The following KIT variants were observed in gnomAD, a reference collection of about 807,000 sequenced individuals.
KIT encodes mast/stem cell growth factor receptor Kit.
Under a neutral mutation model 105.7 loss-of-function variants are expected in KIT, and 16 were observed. The ratio of observed to expected loss-of-function variants is 0.15; its 90% CI spans 0.10 to 0.23. KIT has a LOEUF of 0.23. Among genes scored for constraint, KIT ranks in the 10% least tolerant of loss-of-function variants. The pLI is 1.00. For synonymous variants in KIT, 438 were observed against 441.1 expected (o/e 0.99, Z 0.09); for missense variants, 858 against 1,213.8 (o/e 0.71, Z 4.36).
intron 17 of KIT, among the ~76,000 whole-genome samples, chr4:54,734,338 T>C (rs987579122): frequency 6.6e-6 from 1 of 152,228 alleles, no homozygotes; most frequent in African/African-American, 2.4e-5. Context: ...TACCTCTGAA[T>C]CTTTGTTTTT....
chr4:54,681,003 T>TGG, intron 1 of KIT, among the ~76,000 whole-genome samples: 1 of 152,056 alleles, frequency 6.6e-6, no homozygotes, highest in Non-Finnish European at 1.5e-5. Context: ...TCCTAGGTCT[T>TGG]GGGGGGGTGA....
At chr4:54,672,936 A>G (rs1393082934) in intron 1 of KIT, among the ~76,000 whole-genome samples, 3 of 152,240 alleles carry the variant, frequency 2.0e-5, no homozygotes, top group Admixed American at 6.5e-5. Context: ...TTGCTGGCCC[A>G]TCTTATCTTT....
chr4:54,730,333 T>C (rs1233389296), intron 14 of KIT, among the ~76,000 whole-genome samples: 1 of 152,160 alleles, frequency 6.6e-6, no homozygotes, highest in East Asian at 1.9e-4. Context: ...CACTGCATCT[T>C]GCAATGGCAA....
intron 16 of KIT, among the ~76,000 whole-genome samples, chr4:54,732,673 C>A (rs1464957858): frequency 6.6e-6 from 1 of 152,058 alleles, no homozygotes; most frequent in Non-Finnish European, 1.5e-5. Context: ...GACCTTCTTC[C>A]GTGTGTCCTT....
In KIT at chr4:54,727,851, G is replaced by A. The variant is rs1060504661; in HGVS notation, c.1803G>A (p.Gly601=). ...AAACCCTGGGTGCTGGAGCTTTCGGGAAGGTTGTTGAGGCAACTGCTTATG... is the reference window on the plus strand; with the variant it reads ...AAACCCTGGGTGCTGGAGCTTTCGGAAAGGTTGTTGAGGCAACTGCTTATG... The part of the protein sequence containing the change: ...FGKTLGAGAF[G]KVVEATAYGL... The change falls in exon 12 of 21, where the codon GGG becomes GGA. Residue 601 remains glycine (G), a synonymous_variant. Coordinates refer to ENST00000288135, the MANE Select transcript of KIT (RefSeq NM_000222.3). The A allele has an allele frequency of 7.4e-6, 12 of 1,613,228 alleles. No homozygotes were observed. The highest frequency in any genetic ancestry group is 1.0e-5 in the Non-Finnish European group (12 of 1,180,000).
In KIT at chr4:54,738,477, G is replaced by A. The variant is rs745651409; in HGVS notation, c.2851G>A (p.Val951Ile). ...NCSPNRQKPV[V>I]DHSVRINSVG... ...CAGCCCCAACCGACAGAAGCCCGTG[G>A]TAGACCATTCTGTGCGGATCAATTC... Residue 951 changes from valine to isoleucine, a missense_variant, in exon 21 of 21, where the codon GTA becomes ATA. This residue lies in a region of KIT where 105 missense variants were observed against 103.5 expected (regional missense o/e 1.01). Transcript: ENST00000288135. 11 of 1,613,956 alleles carry A rather than the reference G, an allele frequency of 6.8e-6. 1 individual carries two copies. Among genetic ancestry groups the A allele is most frequent in the South Asian group, 1.1e-5 (1 of 91,082 alleles).
At chr4:54,666,279 T>TTTTTG (rs1261545397) in intron 1 of KIT, among the ~76,000 whole-genome samples, 5 of 152,208 alleles carry the variant, frequency 3.3e-5, no homozygotes, top group African/African-American at 1.2e-4. Context: ...TTTTTTGTTT[T>TTTTTG]TTTTGTTTTG....
chr4:54,663,413 A>T (rs1040066832), intron 1 of KIT, among the ~76,000 whole-genome samples: 4 of 152,212 alleles, frequency 2.6e-5, no homozygotes, highest in African/African-American at 9.6e-5. Flanking sequence ...AGTGCCCCGC[A>T]TAGAGGAAGT....
At chr4:54,674,556 T>C (rs1019316846) in intron 1 of KIT, among the ~76,000 whole-genome samples, 5 of 152,200 alleles carry the variant, frequency 3.3e-5, no homozygotes, top group African/African-American at 7.2e-5. Flanking sequence ...AGAATCTATA[T>C]TGACATTTTA....
rs1720848734 is a variant in KIT at position 54,707,269 on chromosome 4, A to T, written c.1097A>T (p.Glu366Val). 5 of 1,610,838 alleles carry T rather than the reference A, an allele frequency of 3.1e-6. No homozygotes were observed. Among genetic ancestry groups the T allele is most frequent in the Non-Finnish European group, 4.2e-6 (5 of 1,177,084 alleles). Reference sequence around the variant, plus strand: ...AAATGGGAAGATTATCCCAAGTCTGAGAATGAAAGTAATATCAGGTAAGAA... The same window carrying T: ...AAATGGGAAGATTATCCCAAGTCTGTGAATGAAAGTAATATCAGGTAAGAA... ...TDKWEDYPKS[E>V]NESNIRYVSE... Residue 366 changes from glutamate to valine, a missense_variant, in exon 6 of 21, where the codon GAG (glutamate) becomes GTG (valine). Physicochemically the swap from Glu to Val is moderately radical, Grantham distance 121. This residue lies in a region of KIT where 401 missense variants were observed against 601.0 expected (regional missense o/e 0.67). Transcript: ENST00000288135.
At chr4:54,712,942 G>A (rs1721251485) in intron 7 of KIT, among the ~76,000 whole-genome samples, 2 of 152,036 alleles carry the variant, frequency 1.3e-5, no homozygotes, top group Non-Finnish European at 2.9e-5. Flanking sequence ...TACCTAACAC[G>A]TTGGATTTAT....
chr4:54,683,290 T>A (rs1719079361), intron 1 of KIT, among the ~76,000 whole-genome samples: 1 of 152,218 alleles, frequency 6.6e-6, no homozygotes, highest in South Asian at 2.1e-4. Flanking sequence ...GCTATGTCTC[T>A]ACCAGTATAT....
intron 17 of KIT, among the ~76,000 whole-genome samples, chr4:54,735,366 C>CAA (rs60429188): frequency 2.3e-5 from 2 of 86,262 alleles, no homozygotes; most frequent in Admixed American, 1.3e-4. Context: ...ACTTTAACAC[C>CAA]AAAAAAAAAA....
At chr4:54,661,847 A>G (rs1233660438) in intron 1 of KIT, among the ~76,000 whole-genome samples, 1 of 152,168 alleles carries the variant, frequency 6.6e-6, no homozygotes, top group Non-Finnish European at 1.5e-5. Context: ...AGTCATAGAG[A>G]GGAATTGAGT....
In KIT at chr4:54,727,335, ATTTG is replaced by A. The variant is rs745983809; in HGVS notation, c.1647+14_1647+17del. ...TACAAATATTTACAGGTAACCATTT[ATTTG>A]TTCTCTCTCCAGAGTGCTCTAATGA... is the stretch of plus-strand genomic sequence containing the variant. On this transcript the variant is annotated intron_variant, in intron 10 of 20. Coordinates refer to ENST00000288135, the MANE Select transcript of KIT (RefSeq NM_000222.3). 2.8e-5 allele frequency: 45 copies of A among 1,613,534 alleles called. No homozygotes were observed. In the South Asian group the frequency reaches 3.3e-4, roughly 12 times the overall value.
At chr4:54,687,264 T>C (rs554760157) in intron 1 of KIT, among the ~76,000 whole-genome samples, 9 of 152,088 alleles carry the variant, frequency 5.9e-5, no homozygotes, top group African/African-American at 2.2e-4. Context: ...ATAGTGAAAC[T>C]GCATCGCTAC....
At chr4:54,660,494 T>C (rs540528571) in intron 1 of KIT, among the ~76,000 whole-genome samples, 1 of 152,218 alleles carries the variant, frequency 6.6e-6, no homozygotes, top group African/African-American at 2.4e-5. Context: ...CCCCCACTCA[T>C]TCCCATTTTT....
At chr4:54,695,469 A>C (rs537208796) in intron 1 of KIT, 43 bp from the exon 2 acceptor site, 1 of 1,611,214 alleles carries the variant, frequency 6.2e-7, no homozygotes, top group Admixed American at 1.7e-5. Context: ...TATTTCGCCA[A>C]GGAAGAAGAT....
intron 1 of KIT, among the ~76,000 whole-genome samples, chr4:54,694,153 C>T (rs953990661): frequency 1.4e-4 from 21 of 152,090 alleles, no homozygotes; most frequent in South Asian, 2.1e-4. Flanking sequence ...TCATGTGCTC[C>T]GCAAGGTACC....
Sources: gnomAD v4.1 joint callset for allele counts (sites outside exome capture counted in the v4.1 genomes callset) on GRCh38, gnomAD v4.1.1 for gene constraint, gnomAD v4.1.1 regional missense constraint, MANE v1.5 for transcripts, NCBI Gene and HGNC (gene_info 2026-07-23, HGNC 2026-07-21) for gene names.